The following KANK1 variants were observed in gnomAD, a reference collection of about 807,000 sequenced individuals.
The protein encoded by KANK1 is KN motif and ankyrin repeat domain-containing protein 1.
A neutral mutation model predicts 106.2 loss-of-function variants in KANK1; 109 were observed. That is an observed-to-expected ratio of 1.03 (90% CI 0.88 to 1.20). The LOEUF (loss-of-function observed/expected upper bound fraction) is 1.20. Ranked by LOEUF, KANK1 falls within the 50% of genes most tolerant of loss-of-function variation. The pLI is 0.00. For synonymous variants in KANK1, 873 were observed against 652.2 expected (o/e 1.34, Z -5.16); for missense variants, 2,399 against 1,710.7 (o/e 1.40, Z -7.10).
chr9:744,824 C>T, intron 11 of KANK1: 2 of 1,427,716 alleles, frequency 1.4e-6, no homozygotes, highest in South Asian at 1.5e-5. Flanking sequence ...TCACAGCTTC[C>T]CATAGAGGTT....
intron 1 of KANK1, among the ~76,000 whole-genome samples, chr9:623,084 G>T (rs542884913): frequency 6.6e-6 from 1 of 152,054 alleles, no homozygotes. Flanking sequence ...AAAAGCTTCT[G>T]CACGGCAAAG....
chr9:735,971 G>T (rs1200012281), intron 7 of KANK1, among the ~76,000 whole-genome samples: 23 of 152,120 alleles, frequency 1.5e-4, no homozygotes, highest in Admixed American at 1.4e-3. Context: ...CTCAAGCCTG[G>T]GTGACAGAGT....
chr9:696,966 A>G (rs894619217), intron 2 of KANK1, among the ~76,000 whole-genome samples: 2 of 152,106 alleles, frequency 1.3e-5, no homozygotes, highest in Non-Finnish European at 2.9e-5. Context: ...GAAAGACAGA[A>G]ATAAAATTTA....
At chr9:538,264 G>A (rs2060408999) in intron 1 of KANK1, among the ~76,000 whole-genome samples, 1 of 152,170 alleles carries the variant, frequency 6.6e-6, no homozygotes, top group African/African-American at 2.4e-5. Context: ...GATGTAGTAA[G>A]TGCTCAGTAA....
rs146601138 is a variant in KANK1 at position 678,207 on chromosome 9, G to A, written c.37+1198G>A. The stretch of plus-strand genomic sequence containing the variant: ...GACCTTTTTTACTGCCCAGCTTCTT[G>A]AGACTTTTATAGATTCTGCTGTGGG... On this transcript the variant is annotated intron_variant, in intron 2 of 11. Transcript: ENST00000382297. Among the ~76,000 whole-genome samples, 36 of 152,224 alleles carry A rather than the reference G, an allele frequency of 2.4e-4. No individual in the cohort carries two copies. The East Asian group carries it at 6.2e-3, about 26-fold the overall frequency.
chr9:561,999 A>T (rs1341126488), intron 1 of KANK1, among the ~76,000 whole-genome samples: 2 of 151,030 alleles, frequency 1.3e-5, no homozygotes, highest in Non-Finnish European at 3.0e-5. Context: ...CCATTTTATA[A>T]CTTAGGTAAG....
In KANK1 at chr9:586,212, A is replaced by G. The variant is rs774426217; in HGVS notation, c.-84+81458A>G. Among the ~76,000 whole-genome samples, 81 of 152,360 alleles carry G rather than the reference A, an allele frequency of 5.3e-4. 1 individual carries two copies. The highest frequency in any genetic ancestry group is 7.5e-4 in the Non-Finnish European group (51 of 68,020). On this transcript the variant is annotated intron_variant, in intron 1 of 11. Coordinates refer to ENST00000382297, the MANE Select transcript of KANK1 (RefSeq NM_015158.5). ...TGGCAGAGTGGCTGGACCAGGATTC[A>G]TGCCCAGTGACATCTGACTTCAAAG...
chr9:522,873 C>T (rs1442794391), intron 1 of KANK1, among the ~76,000 whole-genome samples: 2 of 151,662 alleles, frequency 1.3e-5, no homozygotes, highest in African/African-American at 4.9e-5. Context: ...GGAATTAAGC[C>T]AGAATTGGCC....
At chr9:687,036 T>TTTTC (rs1032532822) in intron 2 of KANK1, 80 of 567,884 alleles carry the variant, frequency 1.4e-4, no homozygotes, top group Non-Finnish European at 1.6e-4. Flanking sequence ...TTTTCTTTTC[T>TTTTC]TTTTTTTTAA....
chr9:704,791 A>C lies in KANK1; in HGVS notation c.38-6013A>C, dbSNP rs1457584635. On this transcript the variant is annotated intron_variant, in intron 2 of 11. Coordinates refer to ENST00000382297, the MANE Select transcript of KANK1 (RefSeq NM_015158.5). ...AGGCCAGGAGTTCAAGACCAGCCTGAGCAAAATAGCAAGAACTCATCTCTA... is the reference window on the plus strand; with the variant it reads ...AGGCCAGGAGTTCAAGACCAGCCTGCGCAAAATAGCAAGAACTCATCTCTA... Among the ~76,000 whole-genome samples the C allele has an allele frequency of 2.0e-5, 3 of 152,006 alleles. No individual in the cohort carries two copies. The East Asian group carries it at 5.8e-4, about 29-fold the overall frequency.
At chr9:614,673 A>G (rs960960081) in intron 1 of KANK1, among the ~76,000 whole-genome samples, 1 of 152,044 alleles carries the variant, frequency 6.6e-6, no homozygotes, top group Non-Finnish European at 1.5e-5. Context: ...ACTCCCATGC[A>G]TTTCCGTGTG....
intron 1 of KANK1, among the ~76,000 whole-genome samples, chr9:604,669 G>GA (rs1485810043): frequency 1.3e-5 from 2 of 151,506 alleles, no homozygotes; most frequent in African/African-American, 2.4e-5. Flanking sequence ...TGTCTCTACT[G>GA]AAAAAACAAA....
chr9:745,922 T>C lies in KANK1; in HGVS notation c.*687T>C, dbSNP rs1453968171. ...TGTATTAATTGCACAACTCCAATGC[T>C]AAAGGTTGGATTGTGTTAGAGGAAT... On this transcript the variant is annotated 3_prime_UTR_variant, in exon 12 of 12. Transcript: ENST00000382297. The C allele has an allele frequency of 6.6e-6, 1 of 152,656 alleles. No homozygotes were observed. The highest frequency in any genetic ancestry group is 1.5e-5 in the Non-Finnish European group (1 of 68,044). The allele number at this position is 152,656 out of a possible 1,614,324, so 9.5% of individuals were successfully genotyped here.
chr9:635,135 C>G (rs1490164506), intron 1 of KANK1, among the ~76,000 whole-genome samples: 1 of 152,160 alleles, frequency 6.6e-6, no homozygotes, highest in Non-Finnish European at 1.5e-5. Context: ...GAGAGTCAAC[C>G]ACCAGGACTA....
chr9:731,046 T>C (rs1832102496), intron 4 of KANK1, 112 bp from the exon 5 acceptor site: 3 of 514,146 alleles, frequency 5.8e-6, no homozygotes, highest in South Asian at 2.9e-5. Context: ...TTCTCACATA[T>C]ATATGCCAAG....
At position 508,133 on chromosome 9, in the gene KANK1, T is replaced by C. The variant is rs1430062406; in HGVS notation, c.-84+3379T>C. Reference sequence around the variant, plus strand: ...CACCCTGCTCAGCCTTTTTTTTTTTTTTTTTTTTTTTTTTTTTTTTTTGAG... The same window carrying C: ...CACCCTGCTCAGCCTTTTTTTTTTTCTTTTTTTTTTTTTTTTTTTTTTGAG... On this transcript the variant is annotated intron_variant, in intron 1 of 11. Transcript: ENST00000382297. 6.0e-5 allele frequency among the ~76,000 whole-genome samples: 6 copies of C among 99,932 alleles called. No individual in the cohort carries two copies. The East Asian group carries it at 1.4e-3, about 23-fold the overall frequency. 65.6% of individuals were successfully genotyped at this position (99,932 alleles called of 152,430 possible).
At chr9:607,531 A>G (rs548730086) in intron 1 of KANK1, among the ~76,000 whole-genome samples, 4 of 149,522 alleles carry the variant, frequency 2.7e-5, no homozygotes, top group African/African-American at 7.4e-5. Context: ...CTTGTTAAAC[A>G]CTGTTTCAGT....
intron 2 of KANK1, among the ~76,000 whole-genome samples, chr9:705,981 T>C (rs1824047561): frequency 6.6e-6 from 1 of 152,084 alleles, no homozygotes; most frequent in South Asian, 2.1e-4. Flanking sequence ...GTTTTCGTCT[T>C]GTTAAAGTTG....
chr9:648,383 T>C (rs941962943), intron 1 of KANK1, among the ~76,000 whole-genome samples: 8 of 152,136 alleles, frequency 5.3e-5, no homozygotes, highest in Non-Finnish European at 1.0e-4. Context: ...TCTCAACATA[T>C]TTAAAAACTA....
Sources: allele counts gnomAD v4.1 joint callset (sites outside exome capture counted in the v4.1 genomes callset), GRCh38; gene constraint gnomAD v4.1.1; transcripts MANE v1.5; gene names NCBI Gene and HGNC (gene_info 2026-07-23, HGNC 2026-07-21).